Variants in COL18A1 observed in about 807,000 individuals in gnomAD.
COL18A1 encodes the protein collagen alpha-1(XVIII) chain.
COL18A1 carries 133 observed loss-of-function variants against 168.0 expected under a neutral mutation model. The ratio of observed to expected loss-of-function variants is 0.79; its 90% CI spans 0.69 to 0.91. COL18A1 has a LOEUF of 0.91. Ranked by LOEUF, COL18A1 falls within the 40% of genes least tolerant of loss-of-function variation. COL18A1 has a pLI of 0.00. For synonymous variants in COL18A1, 949 were observed against 809.0 expected (o/e 1.17, Z -2.94); for missense variants, 2,126 against 1,925.4 (o/e 1.10, Z -1.95).
At chr21:45,511,626 G>C (rs1000205807) in intron 41 of COL18A1, among the ~76,000 whole-genome samples, 1 of 152,046 alleles carries the variant, frequency 6.6e-6, no homozygotes, top group Non-Finnish European at 1.5e-5. Flanking sequence ...GAAATTTCCA[G>C]GGTATCTAGA....
At chr21:45,453,223 CAT>C (rs909892001) in intron 2 of COL18A1, among the ~76,000 whole-genome samples, 17 of 152,230 alleles carry the variant, frequency 1.1e-4, no homozygotes, top group Admixed American at 5.9e-4. Flanking sequence ...CATGTATGTA[CAT>C]GTGTGTGCTT....
intron 38 of COL18A1, among the ~76,000 whole-genome samples, chr21:45,508,835 A>G (rs115963105): frequency 0.018 from 2,719 of 152,294 alleles, 86 homozygotes; most frequent in African/African-American, 0.062. Context: ...CAGTGGGGAC[A>G]GCCATGTGGA....
chr21:45,450,856 G>T (rs544507336), intron 2 of COL18A1, among the ~76,000 whole-genome samples: 1 of 152,254 alleles, frequency 6.6e-6, no homozygotes, highest in Non-Finnish European at 1.5e-5. Context: ...TTTGGAGCCC[G>T]TGGCTGGCGT....
intron 40 of COL18A1, among the ~76,000 whole-genome samples, 165 bp from the exon 41 acceptor site, chr21:45,510,946 C>T (rs12483447): frequency 8.7e-5 from 5 of 57,428 alleles, no homozygotes; most frequent in Admixed American, 5.4e-4. Context: ...AAAACACACA[C>T]CCACAACACC....
intron 38 of COL18A1, among the ~76,000 whole-genome samples, chr21:45,508,985 G>A (rs2037412140): frequency 6.6e-6 from 1 of 152,150 alleles, no homozygotes. Context: ...CACCTCTGAG[G>A]GAGACAGAGC....
At chr21:45,409,614 G>A (rs567356759) in intron 2 of COL18A1, among the ~76,000 whole-genome samples, 3 of 152,298 alleles carry the variant, frequency 2.0e-5, no homozygotes, top group African/African-American at 4.8e-5. Flanking sequence ...TGCACCAGGC[G>A]GTCATAGGCC....
rs1555972210 is a variant in COL18A1, at chr21:45,437,107, A to ACACT, written c.107-31132_107-31131insTCAC. ...GCATCACACAGGCACTCTCCTGCAC[A>ACACT]CACACTCACACACAGACACACAGGC... On this transcript the variant is annotated intron_variant, in intron 2 of 41. Transcript: ENST00000651438. Among the ~76,000 whole-genome samples the ACACT allele has an allele frequency of 3.4e-4, 35 of 103,864 alleles. 4 individuals carry two copies. The highest frequency in any genetic ancestry group is 1.2e-3 in the African/African-American group (26 of 21,132). The allele number at this position is 103,864 out of a possible 152,430, so 68.1% of individuals were successfully genotyped here.
At chr21:45,418,610 C>T (rs1002271945) in intron 2 of COL18A1, among the ~76,000 whole-genome samples, 2 of 140,842 alleles carry the variant, frequency 1.4e-5, no homozygotes, top group African/African-American at 5.4e-5. Context: ...CAGCCCGCCT[C>T]GTGCACCTGC....
At chr21:45,406,867 C>A (rs536775348) in intron 2 of COL18A1, among the ~76,000 whole-genome samples, 1 of 152,236 alleles carries the variant, frequency 6.6e-6, no homozygotes, top group South Asian at 2.1e-4. Context: ...ATCTTGAGAT[C>A]TAAGAGTGGG....
chr21:45,437,706 T>A (rs62650227), intron 2 of COL18A1, among the ~76,000 whole-genome samples: 79 of 10,698 alleles, frequency 7.4e-3, no homozygotes, highest in Non-Finnish European at 9.0e-3. Context: ...ACACACACAC[T>A]CAGACACACA....
chr21:45,439,120 A>T (rs1216474176), intron 2 of COL18A1, among the ~76,000 whole-genome samples: 5 of 152,228 alleles, frequency 3.3e-5, no homozygotes, highest in African/African-American at 1.2e-4. Flanking sequence ...TCTGTTAAAA[A>T]CTACACTTAA....
At chr21:45,489,884 C>A (rs1481875153) in intron 19 of COL18A1, among the ~76,000 whole-genome samples, 1 of 61,142 alleles carries the variant, frequency 1.6e-5, no homozygotes, top group Non-Finnish European at 3.9e-5. Context: ...CACCTCCTCC[C>A]CGACTTCCCC....
At chr21:45,475,379 G>A (rs1158931689) in intron 4 of COL18A1, 97 bp from the exon 5 acceptor site, 2 of 1,104,390 alleles carry the variant, frequency 1.8e-6, no homozygotes, top group African/African-American at 1.6e-5. Context: ...GGGGCCTGGA[G>A]GAGGCGAGAG....
At position 45,505,934 on chromosome 21, in the gene COL18A1, G is replaced by T; in HGVS notation, c.3184G>T (p.Val1062Phe). Residue 1062 changes from valine to phenylalanine, a missense_variant, in exon 37 of 42, where the codon GTC (valine) becomes TTC (phenylalanine). Coordinates refer to ENST00000651438, the MANE Select transcript of COL18A1 (RefSeq NM_001379500.1). ...IFVAEQEELY[V>F]RVQNGFRKVQ... ...CGTGGCCGAGCAGGAGGAGCTCTACGTCCGCGTGCAGAACGGGTTCCGGAA... is the reference window on the plus strand; with the variant it reads ...CGTGGCCGAGCAGGAGGAGCTCTACTTCCGCGTGCAGAACGGGTTCCGGAA... 6.2e-7 allele frequency: 1 copy of T among 1,613,204 alleles called. No individual in the cohort carries two copies. Among genetic ancestry groups the T allele is most frequent in the Non-Finnish European group, 8.5e-7 (1 of 1,179,970 alleles).
chr21:45,436,350 T>TG (rs1329835402), intron 2 of COL18A1, among the ~76,000 whole-genome samples: 1 of 152,168 alleles, frequency 6.6e-6, no homozygotes, highest in East Asian at 1.9e-4. Flanking sequence ...GCGTGTGCAG[T>TG]GGGCAGAAGC....
chr21:45,458,114 G>T (rs1024345724), intron 2 of COL18A1, among the ~76,000 whole-genome samples: 1 of 147,184 alleles, frequency 6.8e-6, no homozygotes, highest in African/African-American at 2.5e-5. Flanking sequence ...GGGAGGGAGG[G>T]AGGGAGGGAG....
At chr21:45,451,968 C>T (rs1482552464) in intron 2 of COL18A1, among the ~76,000 whole-genome samples, 6 of 152,256 alleles carry the variant, frequency 3.9e-5, no homozygotes, top group East Asian at 1.9e-4. Context: ...CATGACGACA[C>T]GTGTGTCCTC....
chr21:45,489,505 G>T lies in COL18A1; in HGVS notation c.1943G>T (p.Gly648Val). ...PGLKGDPGVPGLPGAKGEVGA... is the reference protein window; with the variant it reads ...PGLKGDPGVPVLPGAKGEVGA... ...ACTTAGGGGGATCCTGGCGTGCCTG[G>T]GCTGCCGGGGGCGAAGGTAAGCGCT... The change falls in exon 19 of 42, where the codon GGG becomes GTG. Residue 648 changes from glycine to valine, a missense_variant. Gly to Val is a moderately radical substitution (Grantham distance 109). Coordinates refer to ENST00000651438, the MANE Select transcript of COL18A1 (RefSeq NM_001379500.1). 6.2e-7 allele frequency: 1 copy of T among 1,603,304 alleles called. No individual in the cohort carries two copies. The highest frequency in any genetic ancestry group is 1.3e-5 in the African/African-American group (1 of 74,850).
chr21:45,449,951 G>A (rs1484732571), intron 2 of COL18A1, among the ~76,000 whole-genome samples: 3 of 152,242 alleles, frequency 2.0e-5, no homozygotes, highest in East Asian at 3.8e-4. Context: ...CAGGAAGCAC[G>A]TTCAGAGACT....
Sources: gnomAD v4.1 joint callset for allele counts (sites outside exome capture counted in the v4.1 genomes callset) on GRCh38, gnomAD v4.1.1 for gene constraint, MANE v1.5 for transcripts, NCBI Gene and HGNC (gene_info 2026-07-23, HGNC 2026-07-21) for gene names.